Variants in GSTM2 observed in about 807,000 individuals in gnomAD.
GSTM2 encodes glutathione S-transferase mu 2.
In GSTM2, 33 loss-of-function variants were observed where a neutral mutation model predicts 33.3. The ratio of observed to expected loss-of-function variants is 0.99; its 90% confidence interval spans 0.75 to 1.33. The LOEUF (loss-of-function observed/expected upper bound fraction) is 1.33. Ranked by LOEUF, GSTM2 falls within the 40% of genes most tolerant of loss-of-function variation. The pLI, the probability that GSTM2 is intolerant of heterozygous loss-of-function variation, is 0.00. For missense variants in GSTM2, 213 were observed against 265.8 expected (o/e 0.80, Z 1.38); for synonymous variants, 93 against 95.6 (o/e 0.97, Z 0.16).
chr1:109,675,714 A>G (rs1315325077), downstream of GSTM2, among the ~76,000 whole-genome samples: 2 of 152,100 alleles, frequency 1.3e-5, no homozygotes, highest in Non-Finnish European at 2.9e-5. Context: ...GATGGCTTCC[A>G]GGTACCCTCT....
In GSTM2 at chr1:109,668,590, G is replaced by C. The variant is rs1647417521; in HGVS notation, c.112+90G>C. 3.5e-6 allele frequency: 5 copies of C among 1,409,944 alleles called. No individual in the cohort carries two copies. In the South Asian group the frequency reaches 4.6e-5, roughly 13 times the overall value. The allele number at this position is 1,409,944 out of a possible 1,614,324, so 87.3% of individuals were successfully genotyped here. ...TGGCCACCTGTGGCTGACTCTGCAG[G>C]CCTCCCTTGCTGGAACTGCAGGCTG... On this transcript the variant is annotated intron_variant, in intron 2 of 7. Transcript: ENST00000241337.
At chr1:109,676,011 C>T (rs1338077923), downstream of GSTM2, among the ~76,000 whole-genome samples, 2 of 152,222 alleles carry the variant, frequency 1.3e-5, no homozygotes, top group African/African-American at 4.8e-5. Flanking sequence ...AAAGTAATGT[C>T]TTACATGGCA....
intron 5 of GSTM2, 68 bp downstream of exon 5, chr1:109,669,639 T>C: frequency 9.7e-7 from 1 of 1,026,240 alleles, no homozygotes; most frequent in Admixed American, 2.0e-5. Context: ...CCTGCAGAGT[T>C]TGTGTCCAAA....
At chr1:109,669,091 C>A (rs1013123138) in intron 3 of GSTM2, 102 bp downstream of exon 3, 14 of 1,367,148 alleles carry the variant, frequency 1.0e-5, no homozygotes, top group Non-Finnish European at 1.5e-5. Flanking sequence ...AGTCTTCTGC[C>A]CAATTCCTCT....
chr1:109,677,295 A>G (rs71663078), downstream of GSTM2, among the ~76,000 whole-genome samples: 1 of 152,190 alleles, frequency 6.6e-6, no homozygotes, highest in African/African-American at 2.4e-5. Context: ...GGACCCAGAA[A>G]TCCCACCCTA....
At chr1:109,679,236 C>T (rs1171775990), downstream of GSTM2, among the ~76,000 whole-genome samples, 4 of 151,960 alleles carry the variant, frequency 2.6e-5, no homozygotes, top group Admixed American at 6.6e-5. Flanking sequence ...TTTGGGAGGC[C>T]GAGGCGGGTG....
At position 109,674,408 on chromosome 1, in the gene GSTM2, TTCCCAC is replaced by T. The variant is rs552736945; in HGVS notation, c.568-338_568-333del. On this transcript the variant is annotated intron_variant, in intron 7 of 7. Coordinates refer to ENST00000241337, the MANE Select transcript of GSTM2 (RefSeq NM_000848.4). ...TGTAAGGAAGTTGCTGAACTTCTGT[TTCCCAC>T]ATGACAAATGGTGATAATAGATTCA... Among the ~76,000 whole-genome samples the T allele has an allele frequency of 4.6e-5, 7 of 152,270 alleles. No individual in the cohort carries two copies. In the East Asian group the frequency reaches 1.4e-3, roughly 29 times the overall value.
At position 109,680,370 on chromosome 1, in the gene GSTM2, C is replaced by T. The variant is rs1647834791; in HGVS notation, c.567+8787C>T. ...CACAAGATAAAACGCTGCAGCATAT[C>T]TATTACCTGGGTTTCTTTCTATATG... On this transcript the variant is annotated intron_variant, in intron 7 of 7. Transcript: ENST00000369831. 2.0e-5 allele frequency among the ~76,000 whole-genome samples: 3 copies of T among 151,030 alleles called. No individual in the cohort carries two copies. The South Asian group carries it at 6.3e-4, about 32-fold the overall frequency.
At position 109,671,520 on chromosome 1, in the gene GSTM2, A is replaced by G. The variant is rs775408664; in HGVS notation, c.504A>G (p.Gln168=). 3 of 1,613,846 alleles carry G rather than the reference A, an allele frequency of 1.9e-6. No individual in the cohort carries two copies. Among genetic ancestry groups the G allele is most frequent in the Non-Finnish European group, 2.5e-6 (3 of 1,179,726 alleles). ...CTTATGATGTCCTTGAGAGAAACCAAGTATTTGAGCCCAGCTGCCTGGATG... is the reference window on the plus strand; with the variant it reads ...CTTATGATGTCCTTGAGAGAAACCAGGTATTTGAGCCCAGCTGCCTGGATG... The part of the protein sequence containing the change: ...FIAYDVLERN[Q]VFEPSCLDAF... The change falls in exon 7 of 8, where the codon CAA becomes CAG. Residue 168 remains glutamine, a synonymous_variant. Coordinates refer to ENST00000241337, the MANE Select transcript of GSTM2 (RefSeq NM_000848.4).
chr1:109,679,454 G>T (rs139514121), downstream of GSTM2, among the ~76,000 whole-genome samples: 1,066 of 152,192 alleles, frequency 7.0e-3, 13 homozygotes, highest in African/African-American at 0.024. Context: ...CTCCAGCTTG[G>T]GTGACAGAGT....
chr1:109,669,629 C>T, intron 5 of GSTM2, 58 bp downstream of exon 5: 2 of 1,108,368 alleles, frequency 1.8e-6, no homozygotes, highest in South Asian at 2.7e-5. Flanking sequence ...CTCCCCTTTC[C>T]CTGCAGAGTT....
chr1:109,669,391 A>G lies in GSTM2; in HGVS notation c.259+20A>G. ...ACCTGTGTGAGTAGATTTGGTTGCA[A>G]GATGCGGGGAGGGACCGTGGCCTCC... On this transcript the variant is annotated intron_variant, in intron 4 of 7. Coordinates refer to ENST00000241337, the MANE Select transcript of GSTM2 (RefSeq NM_000848.4). The G allele has an allele frequency of 6.2e-7, 1 of 1,614,184 alleles. No homozygotes were observed. Among genetic ancestry groups the G allele is most frequent in the Non-Finnish European group, 8.5e-7 (1 of 1,179,970 alleles).
chr1:109,677,401 C>G (rs1647732217), downstream of GSTM2, among the ~76,000 whole-genome samples: 1 of 152,174 alleles, frequency 6.6e-6, no homozygotes, highest in South Asian at 2.1e-4. Context: ...ATCCAAATTC[C>G]ATGAACAAAT....
rs745588550 is a variant in GSTM2, at chr1:109,671,464, C to T, written c.457-9C>T. On this transcript the variant is annotated splice_polypyrimidine_tract_variant and intron_variant, in intron 6 of 7. Transcript: ENST00000241337. Reference sequence around the variant, plus strand: ...AGGTTTCAGCCCACATATCCTTGGCCTTATCCAGATCACCTTTGTGGATTT... The same window carrying T: ...AGGTTTCAGCCCACATATCCTTGGCTTTATCCAGATCACCTTTGTGGATTT... The T allele has an allele frequency of 6.3e-7, 1 of 1,597,692 alleles. No individual in the cohort carries two copies. The highest frequency in any genetic ancestry group is 2.2e-5 in the East Asian group (1 of 44,810).
chr1:109,671,251 GT>G (rs1570628764), intron 5 of GSTM2, 35 bp from the exon 6 acceptor site: 3 of 1,472,350 alleles, frequency 2.0e-6, no homozygotes, highest in Non-Finnish European at 1.9e-6. Flanking sequence ...CAGGGAGCTT[GT>G]GTCTGAGGGT....
chr1:109,669,618 T>C (rs1314183816), intron 5 of GSTM2, 47 bp downstream of exon 5: 2 of 1,173,450 alleles, frequency 1.7e-6, no homozygotes, highest in South Asian at 2.6e-5. Flanking sequence ...CTACTCCCAG[T>C]CTCCCCTTTC....
In GSTM2 at chr1:109,673,747, C is replaced by T. The variant is rs565061561; in HGVS notation, c.568-1000C>T. On this transcript the variant is annotated intron_variant, in intron 7 of 7. Coordinates refer to ENST00000241337, the MANE Select transcript of GSTM2 (RefSeq NM_000848.4). ...CCAAGTAGCTGGGATTACAGGTGCC[C>T]GCCACCATGACCAGCTAATTTTTGT... Among the ~76,000 whole-genome samples, 31 of 152,160 alleles carry T rather than the reference C, an allele frequency of 2.0e-4. 1 individual carries two copies. The highest frequency in any genetic ancestry group is 9.2e-4 in the Admixed American group (14 of 15,278).
intron 2 of GSTM2, chr1:109,668,720 G>C (rs975061170): frequency 1.9e-5 from 15 of 794,516 alleles, no homozygotes; most frequent in African/African-American, 3.5e-5. Flanking sequence ...CTCAGGGCTT[G>C]CCTAAACCCT....
chr1:109,676,642 T>G (rs1647711979), downstream of GSTM2, among the ~76,000 whole-genome samples: 1 of 152,208 alleles, frequency 6.6e-6, no homozygotes, highest in African/African-American at 2.4e-5. Flanking sequence ...TGAGCCACTC[T>G]GCCTGGCTAT....
Sources: allele counts gnomAD v4.1 joint callset (sites outside exome capture counted in the v4.1 genomes callset), GRCh38; gene constraint gnomAD v4.1.1; transcripts MANE v1.5; gene names NCBI Gene and HGNC (gene_info 2026-07-23, HGNC 2026-07-21).